SPTB: variants seen among roughly 807,000 people sequenced by gnomAD.
SPTB encodes spectrin beta chain, erythrocytic.
SPTB carries 45 observed loss-of-function variants against 256.2 expected under a neutral mutation model. The ratio of observed to expected loss-of-function variants is 0.18; its 90% CI spans 0.14 to 0.23. The LOEUF is 0.23. SPTB is among the 10% of genes least tolerant of loss of function. The pLI, the probability that SPTB is intolerant of heterozygous loss-of-function variation, is 1.00. For synonymous variants in SPTB, 1,231 were observed against 1,243.1 expected, an observed-to-expected ratio of 0.99 and a Z score of 0.21; for missense variants, 2,715 against 3,040.4, an observed-to-expected ratio of 0.89 and a Z score of 2.52.
At position 64,787,062 on chromosome 14, in the gene SPTB, T is replaced by C. The variant is rs1175750348; in HGVS notation, c.2903A>G (p.Lys968Arg). The C allele has an allele frequency of 6.2e-7, 1 of 1,613,754 alleles. No homozygotes were observed. The highest frequency in any genetic ancestry group is 8.5e-7 in the Non-Finnish European group (1 of 1,180,038). Residue 968 changes from lysine to arginine, a missense_variant, in exon 16 of 36, where the codon AAG becomes AGG. Physicochemically the swap from Lys to Arg is conservative, Grantham distance 26 (BLOSUM62 2). This residue lies in a region of SPTB where 2,239 missense variants were observed against 2,384.4 expected (regional missense o/e 0.94). Transcript: ENST00000644917. ...TACCTTTGTCTTGTCCGTGATCCACTTGCTGGTCTCCTCGCAATCTACGCA... is the reference window on the plus strand; with the variant it reads ...TACCTTTGTCTTGTCCGTGATCCACCTGCTGGTCTCCTCGCAATCTACGCA... ...NYCVDCEETS[K>R]WITDKTKVVE...
intron 1 of SPTB, among the ~76,000 whole-genome samples, chr14:64,837,811 G>C (rs1033302263): frequency 1.3e-5 from 2 of 152,100 alleles, no homozygotes; most frequent in African/African-American, 2.4e-5. Context: ...ATGTTGGCCA[G>C]GCAGGTCTCA....
intron 2 of SPTB, among the ~76,000 whole-genome samples, chr14:64,811,145 T>A (rs1039698485): frequency 7.9e-5 from 12 of 152,000 alleles, no homozygotes; most frequent in African/African-American, 2.9e-4. Context: ...TAAAACACCA[T>A]AAGCAAAGTC....
At chr14:64,768,985 C>T (rs948899999) in intron 29 of SPTB, 49 bp downstream of exon 29, 1 of 1,475,486 alleles carries the variant, frequency 6.8e-7, no homozygotes, top group Non-Finnish European at 9.4e-7. Flanking sequence ...TCCCCTACTC[C>T]TGCGGGGGTA....
chr14:64,752,153 T>C, intron 33 of SPTB: 2 of 1,322,970 alleles, frequency 1.5e-6, no homozygotes, highest in South Asian at 1.2e-5. Flanking sequence ...TCAACTGGCA[T>C]GTTTGGTGAG....
chr14:64,870,337 G>C (rs1882456018), intron 1 of SPTB, among the ~76,000 whole-genome samples: 2 of 151,784 alleles, frequency 1.3e-5, no homozygotes, highest in Non-Finnish European at 2.9e-5. Context: ...GTCAGAGAAA[G>C]AGGAAGTTCT....
At position 64,774,615 on chromosome 14, in the gene SPTB, C is replaced by T. The variant is rs112180119; in HGVS notation, c.4843-88G>A. 2,407 of 1,539,452 alleles carry T rather than the reference C, an allele frequency of 1.6e-3. 44 individuals are homozygous for T. In the African/African-American group the frequency reaches 0.029, roughly 19 times the overall value. On this transcript the variant is annotated intron_variant, in intron 23 of 35. Coordinates refer to ENST00000644917, the MANE Select transcript of SPTB (RefSeq NM_001355436.2). ...TTGTGCCCCCACTCCTGGAGGTGCCCGAGGGAGGAGGGGAGTAGGCTTGTG... is the reference window on the plus strand; with the variant it reads ...TTGTGCCCCCACTCCTGGAGGTGCCTGAGGGAGGAGGGGAGTAGGCTTGTG...
chr14:64,762,367 C>T (rs1238727829), intron 32 of SPTB, among the ~76,000 whole-genome samples: 3 of 152,220 alleles, frequency 2.0e-5, no homozygotes, highest in Admixed American at 6.5e-5. Context: ...CATCCAAGGA[C>T]GTCAGAGCCC....
intron 15 of SPTB, 57 bp downstream of exon 15, chr14:64,791,662 C>T: frequency 6.2e-7 from 1 of 1,608,420 alleles, no homozygotes; most frequent in Non-Finnish European, 8.5e-7. Context: ...CGGCCCCCAG[C>T]AGTGTGTCAG....
Position 64,750,173 on chromosome 14 carries a change from GCAGGTCACCCA to G in SPTB, c.6603-30_6603-20del. Reference sequence around the variant, plus strand: ...CCAGGACCTGCAAAGATGCAGACAGGCAGGTCACCCACATCCTGATATGGTATCTCTAGAGT... The same window carrying G: ...CCAGGACCTGCAAAGATGCAGACAGGCATCCTGATATGGTATCTCTAGAGT... On this transcript the variant is annotated intron_variant, in intron 33 of 35. Coordinates refer to ENST00000644917, the MANE Select transcript of SPTB (RefSeq NM_001355436.2). The G allele has an allele frequency of 6.2e-7, 1 of 1,608,122 alleles. No individual in the cohort carries two copies. The highest frequency in any genetic ancestry group is 8.5e-7 in the Non-Finnish European group (1 of 1,175,178).
At chr14:64,788,734 T>G (rs2139575891) in intron 15 of SPTB, among the ~76,000 whole-genome samples, 1 of 152,282 alleles carries the variant, frequency 6.6e-6, no homozygotes, top group East Asian at 1.9e-4. Context: ...GCACTGGAGC[T>G]TGGGTCTAGT....
intron 2 of SPTB, among the ~76,000 whole-genome samples, chr14:64,822,368 T>TCACACACACACACACACACA (rs1594814472): frequency 5.5e-3 from 3 of 542 alleles, no homozygotes; most frequent in Non-Finnish European, 0.014. Flanking sequence ...TCTCTCTCTC[T>TCACACACACACACACACACA]CTCTCTCACA....
chr14:64,785,431 A>G lies in SPTB; in HGVS notation c.3855+106T>C. 9.7e-7 allele frequency: 1 copy of G among 1,027,578 alleles called. No individual in the cohort carries two copies. The highest frequency in any genetic ancestry group is 1.5e-6 in the Non-Finnish European group (1 of 675,224). The allele number at this position is 1,027,578 out of a possible 1,614,324, so 63.7% of individuals were successfully genotyped here. A position where few individuals can be genotyped will look rare whatever the true frequency, so the allele number is the denominator to read the frequency against. ...CAGAGGTCCCCGCTCATGGAATCCC[A>G]CAGCTCTTGAGCTAGAAAGGATCCC... On this transcript the variant is annotated intron_variant, in intron 18 of 35. Coordinates refer to ENST00000644917, the MANE Select transcript of SPTB (RefSeq NM_001355436.2). This position sits in a 1 kb window ranked among gnomAD's most constrained non-coding sequence, Gnocchi z 4.4.
At chr14:64,867,276 C>A (rs1882241117) in intron 1 of SPTB, among the ~76,000 whole-genome samples, 1 of 152,172 alleles carries the variant, frequency 6.6e-6, no homozygotes, top group African/African-American at 2.4e-5. Flanking sequence ...ATTCTTGAAA[C>A]CTCCCTCTAT....
intron 2 of SPTB, among the ~76,000 whole-genome samples, chr14:64,809,717 G>C (rs117262730): frequency 6.6e-6 from 1 of 152,162 alleles, no homozygotes; most frequent in Non-Finnish European, 1.5e-5. Context: ...CACTGAAGGT[G>C]TGGCAGGGTC....
chr14:64,815,958 G>A, intron 2 of SPTB, among the ~76,000 whole-genome samples: 2 of 152,176 alleles, frequency 1.3e-5, no homozygotes, highest in East Asian at 3.8e-4. Context: ...GATATTGCCA[G>A]GTAGACCATT....
intron 1 of SPTB, among the ~76,000 whole-genome samples, chr14:64,879,508 G>T (rs1883005357): frequency 1.3e-5 from 2 of 152,186 alleles, no homozygotes; most frequent in Non-Finnish European, 1.5e-5. Flanking sequence ...CCGGGGTGAC[G>T]GACTCTCCGG....
rs1882181001 is a variant in SPTB, at chr14:64,866,330, G to A, written c.-52+13462C>T. ...CGCTGGCCTCAGGACACCCGTAAGA[G>A]CTCAATGGGGTCTTCAGTTGTCTTG... is the stretch of plus-strand genomic sequence containing the variant. On this transcript the variant is annotated intron_variant, in intron 1 of 35. Coordinates refer to ENST00000644917, the MANE Select transcript of SPTB (RefSeq NM_001355436.2). The surrounding 1 kb of genome is among the most constrained non-coding windows in gnomAD (Gnocchi z 4.6). 1.3e-5 allele frequency among the ~76,000 whole-genome samples: 2 copies of A among 152,196 alleles called. No homozygotes were observed. Among genetic ancestry groups the A allele is most frequent in the South Asian group, 4.1e-4 (2 of 4,832 alleles).
In SPTB at chr14:64,800,748, G is replaced by A. The variant is rs371783563; in HGVS notation, c.876+8C>T. The A allele has an allele frequency of 3.7e-6, 6 of 1,612,884 alleles. No homozygotes were observed. The highest frequency in any genetic ancestry group is 5.1e-6 in the Non-Finnish European group (6 of 1,178,966). On this transcript the variant is annotated splice_region_variant and intron_variant, in intron 8 of 35. Transcript: ENST00000644917. Reference sequence around the variant, plus strand: ...AGAGTGACACTTTGGTTCCAAAACAGCTTGTACCTTGCCGACACGCTTGCC... The same window carrying A: ...AGAGTGACACTTTGGTTCCAAAACAACTTGTACCTTGCCGACACGCTTGCC...
chr14:64,755,625 A>G (rs1002087103), intron 32 of SPTB: 2 of 152,228 alleles, frequency 1.3e-5, no homozygotes, highest in African/African-American at 4.8e-5. Flanking sequence ...GTAGGCAGAT[A>G]AATATGAGCA....
Sources: allele counts gnomAD v4.1 joint callset (sites outside exome capture counted in the v4.1 genomes callset), GRCh38; gene constraint gnomAD v4.1.1; regional missense constraint gnomAD v4.1.1; non-coding constraint Gnocchi (gnomAD v3.1); transcripts MANE v1.5; gene names NCBI Gene and HGNC (gene_info 2026-07-23, HGNC 2026-07-21).